Variants in DAG1 observed in about 807,000 individuals in gnomAD.
DAG1 encodes the protein dystroglycan 1 (dystrophin-associated glycoprotein 1).
In DAG1, 8 loss-of-function variants were observed where a neutral mutation model predicts 46.1. That is an observed-to-expected ratio of 0.17 (90% CI 0.10 to 0.31). The LOEUF (loss-of-function observed/expected upper bound fraction) is 0.31. Among genes scored for constraint, DAG1 ranks in the 10% least tolerant of loss-of-function variants. The probability of loss-of-function intolerance (pLI) is 1.00; values close to 1 mark genes in which losing one functional copy is unlikely to be tolerated. For synonymous variants in DAG1, 495 were observed against 481.8 expected (o/e 1.03, Z -0.36); for missense variants, 1,003 against 1,189.9 (o/e 0.84, Z 2.31).
At chr3:49,523,632 ACCCC>A (rs199764931) in intron 2 of DAG1, among the ~76,000 whole-genome samples, 3,003 of 152,174 alleles carry the variant, frequency 0.02, 47 homozygotes, top group Non-Finnish European at 0.032. Flanking sequence ...GGGAGACAGG[ACCCC>A]ACTGTGCACT....
At chr3:49,519,156 T>C (rs1392584755) in intron 2 of DAG1, among the ~76,000 whole-genome samples, 1 of 152,314 alleles carries the variant, frequency 6.6e-6, no homozygotes, top group Non-Finnish European at 1.5e-5. Context: ...GCACCTCTCC[T>C]CTGACTTGAG....
At chr3:49,514,729 C>T (rs772918311) in intron 2 of DAG1, among the ~76,000 whole-genome samples, 2 of 152,154 alleles carry the variant, frequency 1.3e-5, no homozygotes, top group Non-Finnish European at 2.9e-5. Flanking sequence ...ACCTCCGCCT[C>T]CCGGGTTCAA....
At chr3:49,471,825 C>T (rs1301340006) in intron 1 of DAG1, among the ~76,000 whole-genome samples, 2 of 152,162 alleles carry the variant, frequency 1.3e-5, no homozygotes, top group African/African-American at 4.8e-5. Flanking sequence ...TGCTTCTGCC[C>T]TTAAGGAATT....
rs1332780158 is a variant in DAG1, at chr3:49,533,335, C to T, written c.*136C>T. 1 of 1,321,250 alleles carries T rather than the reference C, an allele frequency of 7.6e-7. No individual in the cohort carries two copies. Among genetic ancestry groups the T allele is most frequent in the Non-Finnish European group, 1.1e-6 (1 of 950,034 alleles). 81.8% of individuals were successfully genotyped at this position (1,321,250 alleles called of 1,614,324 possible). On this transcript the variant is annotated 3_prime_UTR_variant, in exon 3 of 3. Transcript: ENST00000308775. ...GACCTAGCACACACTGACACAGGGG[C>T]CTGGACAAGCCCGCCCTCTCTGGTC...
rs146157416 is a variant in DAG1, at chr3:49,532,230, C to T, written c.1719C>T (p.His573=). Residue 573 remains histidine (H), a synonymous_variant, in exon 3 of 3, where the codon CAC becomes CAT. Coordinates refer to ENST00000308775, the MANE Select transcript of DAG1 (RefSeq NM_004393.6). The surrounding 1 kb of genome is among the most constrained non-coding windows in gnomAD (Gnocchi z 5.4). The part of the protein sequence containing the change: ...GLPDSSHVGK[H]EYFMHATDKG... ...CCGACAGCAGCCACGTGGGCAAACA[C>T]GAGTATTTCATGCATGCCACAGACA... 268 of 1,614,024 alleles carry T rather than the reference C, an allele frequency of 1.7e-4. No homozygotes were observed. The highest frequency in any genetic ancestry group is 2.1e-4 in the Non-Finnish European group (248 of 1,179,878).
At chr3:49,485,653 CTTTCTTT>C (rs2050004480) in intron 1 of DAG1, among the ~76,000 whole-genome samples, 1 of 116,630 alleles carries the variant, frequency 8.6e-6, no homozygotes, top group Admixed American at 1.1e-4. Context: ...TTTTTGTTTT[CTTTCTTT>C]TTTTTTTTTT....
At chr3:49,478,907 G>T (rs998853423) in intron 1 of DAG1, among the ~76,000 whole-genome samples, 2 of 135,374 alleles carry the variant, frequency 1.5e-5, no homozygotes, top group Non-Finnish European at 3.1e-5. Flanking sequence ...TCTGCCTCCC[G>T]GGTTCAAGCG....
At chr3:49,496,833 G>A (rs2050325857) in intron 1 of DAG1, among the ~76,000 whole-genome samples, 2 of 151,778 alleles carry the variant, frequency 1.3e-5, no homozygotes, top group Non-Finnish European at 1.5e-5. Flanking sequence ...CACCATGTTG[G>A]CCAGGATGGT....
At chr3:49,517,254 A>G (rs1172066994) in intron 2 of DAG1, among the ~76,000 whole-genome samples, 1 of 151,760 alleles carries the variant, frequency 6.6e-6, no homozygotes, top group Non-Finnish European at 1.5e-5. Flanking sequence ...CGGCCTCCCA[A>G]AGTGCTGGGA....
chr3:49,492,615 C>T (rs1423183505), intron 1 of DAG1: 1 of 152,088 alleles, frequency 6.6e-6, no homozygotes, highest in African/African-American at 2.4e-5. Flanking sequence ...TCATTGCACT[C>T]CAGCCCAGGT....
chr3:49,497,315 T>C (rs2050340133), intron 1 of DAG1, among the ~76,000 whole-genome samples: 1 of 151,394 alleles, frequency 6.6e-6, no homozygotes, highest in Non-Finnish European at 1.5e-5. Flanking sequence ...TGGGCACCTA[T>C]AATCCCAGCT....
intron 1 of DAG1, among the ~76,000 whole-genome samples, chr3:49,500,543 A>G (rs1559558561): frequency 2.6e-5 from 4 of 152,196 alleles, no homozygotes; most frequent in Admixed American, 2.0e-4. Flanking sequence ...GCACAGAGGA[A>G]TAAGGTTCCC....
chr3:49,478,653 A>G (rs1396318007), intron 1 of DAG1, among the ~76,000 whole-genome samples: 2 of 150,518 alleles, frequency 1.3e-5, no homozygotes, highest in Non-Finnish European at 2.9e-5. Flanking sequence ...GCTGGATTAC[A>G]GATGTGAGCC....
At chr3:49,471,473 A>G (rs2049517129) in intron 1 of DAG1, among the ~76,000 whole-genome samples, 1 of 152,248 alleles carries the variant, frequency 6.6e-6, no homozygotes, top group South Asian at 2.1e-4. Context: ...ATTCAACCGT[A>G]CTACATTTTG....
At chr3:49,521,139 T>G (rs566780477) in intron 2 of DAG1, among the ~76,000 whole-genome samples, 12 of 152,084 alleles carry the variant, frequency 7.9e-5, no homozygotes, top group East Asian at 1.9e-4. Context: ...ATGGTGTTTT[T>G]TTTTGTTTTG....
At chr3:49,478,707 C>T (rs998791329) in intron 1 of DAG1, among the ~76,000 whole-genome samples, 2 of 149,920 alleles carry the variant, frequency 1.3e-5, no homozygotes, top group African/African-American at 4.9e-5. Context: ...GAGCTTTCAT[C>T]ACAGCAAATC....
rs1382027346 is a variant in DAG1, at chr3:49,535,030, A to G, written c.*1831A>G. ...GGCATTTCCCCTTGCGCCTTCTCCC[A>G]CAGGGCCCAGCCCCTCTCCCCTGCC... On this transcript the variant is annotated 3_prime_UTR_variant, in exon 3 of 3. Coordinates refer to ENST00000308775, the MANE Select transcript of DAG1 (RefSeq NM_004393.6). 1 of 152,282 alleles carries G rather than the reference A, an allele frequency of 6.6e-6. No individual in the cohort carries two copies. The highest frequency in any genetic ancestry group is 1.5e-5 in the Non-Finnish European group (1 of 68,122). The allele number at this position is 152,282 out of a possible 1,614,324, so 9.4% of individuals were successfully genotyped here.
chr3:49,477,102 A>G lies in DAG1; in HGVS notation c.-117+6669A>G, dbSNP rs139212261. Reference sequence around the variant, plus strand: ...AACCTTTGCCTCCCGGGTTCAAGCAATTCTCCTGCCTCAGCCTCCCAAGTA... The same window carrying G: ...AACCTTTGCCTCCCGGGTTCAAGCAGTTCTCCTGCCTCAGCCTCCCAAGTA... On this transcript the variant is annotated intron_variant, in intron 1 of 2. Coordinates refer to ENST00000308775, the MANE Select transcript of DAG1 (RefSeq NM_004393.6). Among the ~76,000 whole-genome samples the G allele has an allele frequency of 8.8e-3, 1,331 of 151,906 alleles. 22 individuals are homozygous for G. Among genetic ancestry groups the G allele is most frequent in the African/African-American group, 0.031 (1,267 of 41,426 alleles).
In DAG1 at chr3:49,525,048, C is replaced by T. The variant is rs111361304; in HGVS notation, c.286-5749C>T. The stretch of plus-strand genomic sequence containing the variant: ...CTGCTTGGGCCTGATGTCACCAGTA[C>T]CACTCAAAGTGCTGCTTGGGCCTGA... On this transcript the variant is annotated intron_variant, in intron 2 of 2. Coordinates refer to ENST00000308775, the MANE Select transcript of DAG1 (RefSeq NM_004393.6). Among the ~76,000 whole-genome samples the T allele has an allele frequency of 7.0e-3, 1,060 of 152,196 alleles. 9 individuals carry two copies. Among genetic ancestry groups the T allele is most frequent in the African/African-American group, 0.024 (1,011 of 41,494 alleles).
Sources: gnomAD v4.1 joint callset for allele counts (sites outside exome capture counted in the v4.1 genomes callset) on GRCh38, gnomAD v4.1.1 for gene constraint, Gnocchi (gnomAD v3.1) non-coding constraint, MANE v1.5 for transcripts, NCBI Gene and HGNC (gene_info 2026-07-23, HGNC 2026-07-21) for gene names.